The following DNAJB2 variants were observed in gnomAD, a reference collection of about 807,000 sequenced individuals.
The protein encoded by DNAJB2 is dnaJ homolog subfamily B member 2.
In DNAJB2, 19 loss-of-function variants were observed where a neutral mutation model predicts 33.3. The observed-to-expected ratio is 0.57, with a 90% CI of 0.40 to 0.84. The LOEUF is 0.84. DNAJB2 is among the 40% of genes least tolerant of loss of function. The probability of loss-of-function intolerance (pLI) is 0.00; values close to 1 mark genes in which losing one functional copy is unlikely to be tolerated. For missense variants in DNAJB2, 368 were observed against 430.9 expected, an observed-to-expected ratio of 0.85 and a Z score of 1.29; for synonymous variants, 172 against 164.6, an observed-to-expected ratio of 1.04 and a Z score of -0.34.
At position 219,284,537 on chromosome 2, in the gene DNAJB2, G is replaced by A. The variant is rs533580847; in HGVS notation, c.620-95G>A. Reference sequence around the variant, plus strand: ...GCATGTGTGCCAATTCCAAATAAGAGACTCTAAGTGGTCAGGGTTGTTACT... The same window carrying A: ...GCATGTGTGCCAATTCCAAATAAGAAACTCTAAGTGGTCAGGGTTGTTACT... On this transcript the variant is annotated intron_variant, in intron 8 of 8. Transcript: ENST00000336576. 377 of 1,446,768 alleles carry A rather than the reference G, an allele frequency of 2.6e-4. 5 individuals carry two copies. In the African/African-American group the frequency reaches 4.2e-3, roughly 16 times the overall value. 89.6% of individuals were successfully genotyped at this position (1,446,768 alleles called of 1,614,324 possible).
Position 219,285,285 on chromosome 2 carries a change from G to C in DNAJB2, c.*298G>C. ...GCTCCAAGGGGCATTAGTGGTTTGG[G>C]CTGGGCCTTTTGTGCCCTGGTACTC... On this transcript the variant is annotated 3_prime_UTR_variant, in exon 9 of 9. Transcript: ENST00000336576. 9.0e-7 allele frequency: 1 copy of C among 1,116,282 alleles called. No individual in the cohort carries two copies. Among genetic ancestry groups the C allele is most frequent in the Non-Finnish European group, 1.1e-6 (1 of 913,394 alleles). The allele number at this position is 1,116,282 out of a possible 1,614,324, so 69.1% of individuals were successfully genotyped here.
Position 219,285,015 on chromosome 2 carries a change from G to A in DNAJB2, c.*28G>A. On this transcript the variant is annotated 3_prime_UTR_variant, in exon 9 of 9. Transcript: ENST00000336576. ...ACCGGGCCCAACCTGATCTGATCCA[G>A]ATCTTGACTGGGGGGTCTGACTCAC... 1 of 1,455,282 alleles carries A rather than the reference G, an allele frequency of 6.9e-7. No homozygotes were observed. The highest frequency in any genetic ancestry group is 9.1e-7 in the Non-Finnish European group (1 of 1,097,914). 90.1% of individuals were successfully genotyped at this position (1,455,282 alleles called of 1,614,324 possible).
Position 219,279,738 on chromosome 2 carries a change from C to A in DNAJB2, c.-36-60C>A. ...GCCTTCCGCCACCCGGGGAGGGGGA[C>A]TGCTGCAGCCACAGGGTGGGGCTCT... is the stretch of plus-strand genomic sequence containing the variant. On this transcript the variant is annotated intron_variant, in intron 1 of 8. Coordinates refer to ENST00000336576, the MANE Select transcript of DNAJB2 (RefSeq NM_006736.6). This position sits in a 1 kb window ranked among gnomAD's most constrained non-coding sequence, Gnocchi z 4.9. The A allele has an allele frequency of 7.1e-7, 1 of 1,417,214 alleles. No homozygotes were observed. 87.8% of individuals were successfully genotyped at this position (1,417,214 alleles called of 1,614,324 possible). A position where few individuals can be genotyped will look rare whatever the true frequency, so the allele number is the denominator to read the frequency against.
Position 219,282,000 on chromosome 2 carries a change from C to T in DNAJB2, c.291C>T (p.Arg97=). ...GGCCTGGCTTCACCTTCACCTTCCG[C>T]AGCCCCGAGGAGGTCTTCCGGGAAT... ...SGGPGFTFTF[R]SPEEVFREFF... is the part of the protein sequence containing the mutation. Residue 97 remains arginine (R), a synonymous_variant, in exon 5 of 9, where the codon CGC becomes CGT. Transcript: ENST00000336576. 1 of 1,614,220 alleles carries T rather than the reference C, an allele frequency of 6.2e-7. No individual in the cohort carries two copies. Among genetic ancestry groups the T allele is most frequent in the Non-Finnish European group, 8.5e-7 (1 of 1,180,040 alleles).
rs1951903414 is a variant in DNAJB2, at chr2:219,281,472, C to A, written c.176-246C>A. 8 of 537,672 alleles carry A rather than the reference C, an allele frequency of 1.5e-5. No individual in the cohort carries two copies. In the South Asian group the frequency reaches 2.1e-4, roughly 14 times the overall value. 33.3% of individuals were successfully genotyped at this position (537,672 alleles called of 1,614,324 possible). A position where few individuals can be genotyped will look rare whatever the true frequency, so the allele number is the denominator to read the frequency against. On this transcript the variant is annotated intron_variant, in intron 3 of 8. Coordinates refer to ENST00000336576, the MANE Select transcript of DNAJB2 (RefSeq NM_006736.6). ...GTTTACGTGGATGGTCTCATTTGATCTGTGCAACAACCCTGTGCGGTAGGT... is the reference window on the plus strand; with the variant it reads ...GTTTACGTGGATGGTCTCATTTGATATGTGCAACAACCCTGTGCGGTAGGT...
chr2:219,281,618 G>A, intron 3 of DNAJB2, 100 bp from the exon 4 acceptor site: 1 of 1,520,804 alleles, frequency 6.6e-7, no homozygotes, highest in Non-Finnish European at 9.1e-7. Context: ...CCCCCGCCAA[G>A]TGTCAGAGTG....
chr2:219,285,987 A>T lies in DNAJB2; in HGVS notation c.*1000A>T. On this transcript the variant is annotated 3_prime_UTR_variant, in exon 9 of 9. Coordinates refer to ENST00000336576, the MANE Select transcript of DNAJB2 (RefSeq NM_006736.6). ...CACCCCGCCCCTGCTCTCTCCCCAG[A>T]TGTGTTCTGAGCTGGATGCCGGGTT... 1 of 1,612,734 alleles carries T rather than the reference A, an allele frequency of 6.2e-7. No homozygotes were observed. Among genetic ancestry groups the T allele is most frequent in the Non-Finnish European group, 8.5e-7 (1 of 1,179,784 alleles).
intron 8 of DNAJB2, 62 bp from the exon 9 acceptor site, chr2:219,284,570 G>A: frequency 2.6e-6 from 4 of 1,521,450 alleles, no homozygotes; most frequent in Non-Finnish European, 3.5e-6. Context: ...ACTGTGTGAG[G>A]CAGCCTGGCA....
rs1278888786 is a variant in DNAJB2, at chr2:219,285,018, C to T, written c.*31C>T. 3 of 1,453,406 alleles carry T rather than the reference C, an allele frequency of 2.1e-6. No homozygotes were observed. In the Admixed American group the frequency reaches 8.3e-5, roughly 40 times the overall value. 90.0% of individuals were successfully genotyped at this position (1,453,406 alleles called of 1,614,324 possible). On this transcript the variant is annotated 3_prime_UTR_variant, in exon 9 of 9. Transcript: ENST00000336576. ...GGGCCCAACCTGATCTGATCCAGAT[C>T]TTGACTGGGGGGTCTGACTCACTGT...
At chr2:219,284,153 C>T (rs6741986) in intron 8 of DNAJB2, among the ~76,000 whole-genome samples, 3,982 of 152,176 alleles carry the variant, frequency 0.026, 170 homozygotes, top group African/African-American at 0.091. Context: ...GATTATGGCT[C>T]ACTACAGCCT....
rs908197 is a variant in DNAJB2 at position 219,279,688 on chromosome 2, G to A, written c.-36-110G>A. ...AGTCACCGGCCGCAAGCAGAGCCCG[G>A]TGTGCTCCGCTTCCAACTGGGAGCG... On this transcript the variant is annotated intron_variant, in intron 1 of 8. Coordinates refer to ENST00000336576, the MANE Select transcript of DNAJB2 (RefSeq NM_006736.6). The surrounding 1 kb of genome is among the most constrained non-coding windows in gnomAD (Gnocchi z 4.9). The A allele has an allele frequency of 1.0e-5, 8 of 794,616 alleles. No individual in the cohort carries two copies. The highest frequency in any genetic ancestry group is 1.0e-4 in the South Asian group (6 of 59,892). 49.2% of individuals were successfully genotyped at this position (794,616 alleles called of 1,614,324 possible). A position where few individuals can be genotyped will look rare whatever the true frequency, so the allele number is the denominator to read the frequency against.
Position 219,286,187 on chromosome 2 carries a change from T to C in DNAJB2, c.*1200T>C. The C allele has an allele frequency of 1.4e-6, 1 of 690,900 alleles. No individual in the cohort carries two copies. The highest frequency in any genetic ancestry group is 2.3e-6 in the Non-Finnish European group (1 of 427,822). The allele number at this position is 690,900 out of a possible 1,614,324, so 42.8% of individuals were successfully genotyped here. A position where few individuals can be genotyped will look rare whatever the true frequency, so the allele number is the denominator to read the frequency against. On this transcript the variant is annotated 3_prime_UTR_variant, in exon 9 of 9. Coordinates refer to ENST00000336576, the MANE Select transcript of DNAJB2 (RefSeq NM_006736.6). Reference sequence around the variant, plus strand: ...CTGTGCACTCTCTTCCTTGGGTGTTTGGTGCTGGCTCCTGGGGACTACAAA... The same window carrying C: ...CTGTGCACTCTCTTCCTTGGGTGTTCGGTGCTGGCTCCTGGGGACTACAAA...
Position 219,285,866 on chromosome 2 carries a change from A to G in DNAJB2, c.*879A>G. On this transcript the variant is annotated 3_prime_UTR_variant, in exon 9 of 9. Coordinates refer to ENST00000336576, the MANE Select transcript of DNAJB2 (RefSeq NM_006736.6). The stretch of plus-strand genomic sequence containing the variant: ...GGGACTGCACCCATACTGCTTCCCT[A>G]CCACAAATCAGGGCTCAGGGAGAGG... 2.7e-6 allele frequency: 4 copies of G among 1,507,742 alleles called. No individual in the cohort carries two copies. The highest frequency in any genetic ancestry group is 3.5e-6 in the Non-Finnish European group (4 of 1,127,918). 93.4% of individuals were successfully genotyped at this position (1,507,742 alleles called of 1,614,324 possible). A position where few individuals can be genotyped will look rare whatever the true frequency, so the allele number is the denominator to read the frequency against.
intron 3 of DNAJB2, chr2:219,280,963 A>G (rs1000938395): frequency 2.2e-6 from 1 of 450,354 alleles, no homozygotes; most frequent in Non-Finnish European, 4.0e-6. Context: ...TGTCATCTCC[A>G]TGAGTTCTCA....
At chr2:219,284,106 T>C (rs565505024) in intron 8 of DNAJB2, among the ~76,000 whole-genome samples, 1 of 152,326 alleles carries the variant, frequency 6.6e-6, no homozygotes, top group East Asian at 1.9e-4. Flanking sequence ...TTTCTTTTTT[T>C]TCTTTTTTTG....
At chr2:219,284,501 G>A (rs1031587261) in intron 8 of DNAJB2, 131 bp from the exon 9 acceptor site, 14 of 1,173,986 alleles carry the variant, frequency 1.2e-5, no homozygotes, top group Non-Finnish European at 1.4e-5. Context: ...CACAAGCCTA[G>A]GTGCCAAAAT....
At position 219,279,533 on chromosome 2, in the gene DNAJB2, C is replaced by G. The variant is rs1047411601; in HGVS notation, c.-37+15C>G. On this transcript the variant is annotated intron_variant, in intron 1 of 8. Transcript: ENST00000336576. The surrounding 1 kb of genome is among the most constrained non-coding windows in gnomAD (Gnocchi z 4.9). ...TGGCGGAGGAGGTGCGGCCGGGGGC[C>G]CGGGTCAGGCTGGGGGCCCTGGATC... 3 of 308,262 alleles carry G rather than the reference C, an allele frequency of 9.7e-6. No homozygotes were observed. Among genetic ancestry groups the G allele is most frequent in the African/African-American group, 6.6e-5 (3 of 45,290 alleles). The allele number at this position is 308,262 out of a possible 1,614,324, so 19.1% of individuals were successfully genotyped here.
chr2:219,279,865 C>T lies in DNAJB2; in HGVS notation c.32C>T (p.Pro11Leu). ...TCCTACTACGAGATCCTAGACGTGC[C>T]GCGAAGTGCGTCCGCTGATGACATC... MASYYEILDV[P>L]RSASADDIKK... The change falls in exon 2 of 9, where the codon CCG becomes CTG. Residue 11 changes from proline to leucine, a missense_variant. Physicochemically the swap from Pro to Leu is moderately conservative, Grantham distance 98 (BLOSUM62 -3). Transcript: ENST00000336576. This position sits in a 1 kb window ranked among gnomAD's most constrained non-coding sequence, Gnocchi z 4.9. The T allele has an allele frequency of 6.2e-7, 1 of 1,614,008 alleles. No individual in the cohort carries two copies. The highest frequency in any genetic ancestry group is 8.5e-7 in the Non-Finnish European group (1 of 1,179,978).
At position 219,284,980 on chromosome 2, in the gene DNAJB2, TC is replaced by T. The variant is rs757500681; in HGVS notation, c.970del (p.Leu324SerfsTer29). 1 of 1,507,538 alleles carries T rather than the reference TC, an allele frequency of 6.6e-7. No individual in the cohort carries two copies. Among genetic ancestry groups the T allele is most frequent in the Non-Finnish European group, 8.9e-7 (1 of 1,124,218 alleles). 93.4% of individuals were successfully genotyped at this position (1,507,538 alleles called of 1,614,324 possible). ...SPEEKASRCL[I>X]L ...GAGGAGAAGGCCTCTCGCTGCCTCATCCTCTGAACACCGGGCCCAACCTGAT... is the reference window on the plus strand; with the variant it reads ...GAGGAGAAGGCCTCTCGCTGCCTCATCTCTGAACACCGGGCCCAACCTGAT... On this transcript the variant is annotated frameshift_variant, in exon 9 of 9. Coordinates refer to ENST00000336576, the MANE Select transcript of DNAJB2 (RefSeq NM_006736.6). LOFTEE classifies it high-confidence loss of function.
Sources: allele counts gnomAD v4.1 joint callset (sites outside exome capture counted in the v4.1 genomes callset), GRCh38; gene constraint gnomAD v4.1.1; non-coding constraint Gnocchi (gnomAD v3.1); transcripts MANE v1.5; gene names NCBI Gene and HGNC (gene_info 2026-07-23, HGNC 2026-07-21).